Variants in CNOT1 observed in about 807,000 individuals in gnomAD.
CNOT1 encodes the protein CCR4-NOT transcription complex subunit 1.
In CNOT1, 15 loss-of-function variants were observed where a neutral mutation model predicts 273.8. The observed-to-expected ratio is 0.05, with a 90% CI of 0.04 to 0.08. CNOT1 has a LOEUF of 0.08. Among genes scored for constraint, CNOT1 ranks in the 10% least tolerant of loss-of-function variants. The pLI is 1.00. For synonymous variants in CNOT1, 1,022 were observed against 1,005.5 expected, an observed-to-expected ratio of 1.02 and a Z score of -0.31; for missense variants, 1,644 against 2,912.2, an observed-to-expected ratio of 0.56 and a Z score of 10.02.
At chr16:58,574,504 C>A in intron 16 of CNOT1, 105 bp downstream of exon 16, 1 of 1,118,772 alleles carries the variant, frequency 8.9e-7, no homozygotes, top group South Asian at 1.8e-5. Context: ...ACCATTGGAC[C>A]ATTTTAAACT....
intron 16 of CNOT1, among the ~76,000 whole-genome samples, chr16:58,562,261 G>A (rs954332218): frequency 6.6e-6 from 1 of 151,928 alleles, no homozygotes; most frequent in Non-Finnish European, 1.5e-5. Flanking sequence ...CACTTTGGGA[G>A]GGAGGCAGTG....
chr16:58,590,892 A>C (rs1384992697), intron 2 of CNOT1, among the ~76,000 whole-genome samples: 1 of 152,266 alleles, frequency 6.6e-6, no homozygotes, highest in Non-Finnish European at 1.5e-5. Context: ...GTACTAGTCT[A>C]GGTGTAAACA....
intron 40 of CNOT1, 104 bp from the exon 41 acceptor site, chr16:58,532,499 G>C (rs2039802018): frequency 6.7e-7 from 1 of 1,494,090 alleles, no homozygotes; most frequent in Middle Eastern, 2.4e-4. Flanking sequence ...AACATTAAAG[G>C]AAAGCATATA....
intron 2 of CNOT1, among the ~76,000 whole-genome samples, chr16:58,590,947 T>C (rs531145448): frequency 6.6e-6 from 1 of 152,240 alleles, no homozygotes; most frequent in South Asian, 2.1e-4. Flanking sequence ...AAAGTCAATT[T>C]TTGTGGGAGA....
At chr16:58,569,531 A>G (rs991377142) in intron 16 of CNOT1, among the ~76,000 whole-genome samples, 1 of 152,098 alleles carries the variant, frequency 6.6e-6, no homozygotes, top group African/African-American at 2.4e-5. Context: ...AAAAAACCAA[A>G]AAACAGAAAT....
At chr16:58,615,586 T>A (rs1179386243) in intron 1 of CNOT1, among the ~76,000 whole-genome samples, 1 of 125,484 alleles carries the variant, frequency 8.0e-6, no homozygotes, top group Non-Finnish European at 1.9e-5. Context: ...TCAATGAAAA[T>A]TATTTGAGGA....
intron 34 of CNOT1, among the ~76,000 whole-genome samples, chr16:58,540,920 G>A (rs2040073351): frequency 6.6e-6 from 1 of 152,098 alleles, no homozygotes; most frequent in Non-Finnish European, 1.5e-5. Context: ...TTAAAAAATG[G>A]GAAGGCTGGG....
Position 58,524,359 on chromosome 16 carries a change from G to A in CNOT1, c.6784+820C>T, listed in dbSNP as rs182423959. ...ATTAGTCTAAACTACACTGGAATAA[G>A]TATTATCTTAATTGGGTTTGGTTGT... On this transcript the variant is annotated intron_variant, in intron 46 of 48. Coordinates refer to ENST00000317147, the MANE Select transcript of CNOT1 (RefSeq NM_016284.5). Among the ~76,000 whole-genome samples, 8 of 151,080 alleles carry A rather than the reference G, an allele frequency of 5.3e-5. No individual in the cohort carries two copies. The Admixed American group carries it at 5.3e-4, about 10-fold the overall frequency.
At chr16:58,549,182 G>A (rs1379534537) in intron 25 of CNOT1, among the ~76,000 whole-genome samples, 1 of 151,842 alleles carries the variant, frequency 6.6e-6, no homozygotes, top group African/African-American at 2.4e-5. Context: ...AGCTACTCGG[G>A]AGGCTGAAGT....
Position 58,539,945 on chromosome 16 carries a change from T to G in CNOT1, c.4815A>C (p.Thr1605=). Residue 1605 remains threonine, a synonymous_variant, in exon 35 of 49, where the codon ACA becomes ACC. Coordinates refer to ENST00000317147, the MANE Select transcript of CNOT1 (RefSeq NM_016284.5). ...LAQPMKQAWA[T]DDVAQIYDKC... is the part of the protein sequence containing the mutation. The stretch of plus-strand genomic sequence containing the variant: ...TATCATAAATCTGAGCTACATCATC[T>G]GTTGCCCAAGCTTGCTGTTTTACAG... 1 of 1,604,528 alleles carries G rather than the reference T, an allele frequency of 6.2e-7. No individual in the cohort carries two copies. Among genetic ancestry groups the G allele is most frequent in the South Asian group, 1.1e-5 (1 of 89,380 alleles).
chr16:58,538,318 G>C, intron 36 of CNOT1, 52 bp from the exon 37 acceptor site: 1 of 838,754 alleles, frequency 1.2e-6, no homozygotes, highest in Non-Finnish European at 2.1e-6. Context: ...TACTGTAAAA[G>C]GGCCCATTTT....
intron 30 of CNOT1, 144 bp from the exon 31 acceptor site, chr16:58,544,047 G>A: frequency 7.3e-7 from 1 of 1,364,902 alleles, no homozygotes; most frequent in South Asian, 1.6e-5. Flanking sequence ...GGAAAATTCG[G>A]GTAACAGAAA....
intron 8 of CNOT1, among the ~76,000 whole-genome samples, chr16:58,584,045 G>A (rs1274379777): frequency 6.6e-6 from 1 of 151,068 alleles, no homozygotes; most frequent in Admixed American, 6.6e-5. Context: ...GCGCTCACCT[G>A]TAGTCCCAGC....
chr16:58,570,342 T>C (rs1358299074), intron 16 of CNOT1, among the ~76,000 whole-genome samples: 1 of 152,134 alleles, frequency 6.6e-6, no homozygotes, highest in Non-Finnish European at 1.5e-5. Flanking sequence ...AATCTCCTAA[T>C]TAAAGAACAA....
intron 1 of CNOT1, among the ~76,000 whole-genome samples, chr16:58,625,594 G>T (rs2043537054): frequency 6.6e-6 from 1 of 151,926 alleles, no homozygotes; most frequent in Admixed American, 6.6e-5. Context: ...TGAGGCAGGA[G>T]AATCACTTGA....
intron 17 of CNOT1, chr16:58,559,909 C>T (rs778237374): frequency 7.3e-6 from 5 of 680,424 alleles, no homozygotes; most frequent in African/African-American, 7.2e-5. Flanking sequence ...AAACAAGACA[C>T]ATCAGGTTCA....
chr16:58,521,886 G>C (rs1357192385), intron 47 of CNOT1, among the ~76,000 whole-genome samples: 1 of 152,166 alleles, frequency 6.6e-6, no homozygotes, highest in Non-Finnish European at 1.5e-5. Context: ...AGTAGGTGGA[G>C]GTTGTGGTGA....
intron 16 of CNOT1, among the ~76,000 whole-genome samples, chr16:58,571,979 AAAATT>A (rs965725989): frequency 6.6e-6 from 1 of 152,032 alleles, no homozygotes; most frequent in Non-Finnish European, 1.5e-5. Flanking sequence ...AGAAAAATAA[AAAATT>A]AAAAATAAAA....
intron 16 of CNOT1, among the ~76,000 whole-genome samples, chr16:58,568,261 G>A (rs754531456): frequency 6.6e-6 from 1 of 152,034 alleles, no homozygotes; most frequent in Admixed American, 6.6e-5. Context: ...CTAGCTACTC[G>A]GGAGGCTGAG....
Sources: allele counts gnomAD v4.1 joint callset (sites outside exome capture counted in the v4.1 genomes callset), GRCh38; gene constraint gnomAD v4.1.1; transcripts MANE v1.5; gene names NCBI Gene and HGNC (gene_info 2026-07-23, HGNC 2026-07-21).